Variants in SPECC1 observed in about 807,000 individuals in gnomAD.
The protein encoded by SPECC1 is sperm antigen with calponin homology and coiled-coil domains 1.
In SPECC1, 62 loss-of-function variants were observed where a neutral mutation model predicts 104.1. That is an observed-to-expected ratio of 0.60 (90% CI 0.49 to 0.74). The LOEUF is 0.74. SPECC1 is among the 30% of genes least tolerant of loss of function. SPECC1 has a pLI of 0.00. For synonymous variants in SPECC1, 513 were observed against 501.6 expected (o/e 1.02, Z -0.30); for missense variants, 1,306 against 1,310.5 (o/e 1.00, Z 0.05).
At chr17:20,203,317 A>C (rs1357594857) in intron 3 of SPECC1, among the ~76,000 whole-genome samples, 2 of 151,714 alleles carry the variant, frequency 1.3e-5, no homozygotes, top group East Asian at 3.9e-4. Flanking sequence ...TTTATTTTAC[A>C]CTGTAACATC....
intron 3 of SPECC1, among the ~76,000 whole-genome samples, chr17:20,127,382 C>A (rs1157439222): frequency 2.7e-5 from 4 of 149,962 alleles, no homozygotes; most frequent in Non-Finnish European, 5.9e-5. Context: ...AGTATTGGTC[C>A]AAAAATCAGA....
chr17:20,257,363 G>C lies in SPECC1; in HGVS notation c.2681-88G>C, dbSNP rs956063472. On this transcript the variant is annotated intron_variant, in intron 10 of 14. Transcript: ENST00000395527. ...ATATGTTTGCACTTGAGGATAAAAT[G>C]AGAACTGTATTGTATTTGAGAATGA... 1.8e-5 allele frequency: 26 copies of C among 1,412,256 alleles called. No homozygotes were observed. The African/African-American group carries it at 3.3e-4, about 18-fold the overall frequency. 87.5% of individuals were successfully genotyped at this position (1,412,256 alleles called of 1,614,324 possible).
At chr17:20,162,219 C>T (rs1462542202) in intron 3 of SPECC1, among the ~76,000 whole-genome samples, 1 of 152,140 alleles carries the variant, frequency 6.6e-6, no homozygotes, top group African/African-American at 2.4e-5. Flanking sequence ...GATCTCGCCT[C>T]ACTGCAAGCT....
At chr17:20,246,173 C>T in intron 8 of SPECC1, 102 bp downstream of exon 8, 1 of 1,430,568 alleles carries the variant, frequency 7.0e-7, no homozygotes, top group Non-Finnish European at 9.5e-7. Context: ...TGTGTTGTTA[C>T]AACCACAAGG....
chr17:20,206,261 C>T (rs866339004), intron 4 of SPECC1, among the ~76,000 whole-genome samples: 7 of 152,312 alleles, frequency 4.6e-5, no homozygotes, highest in Middle Eastern at 3.4e-3. Context: ...CACAGAAGGA[C>T]TTCCTGGAAG....
chr17:20,249,083 A>G (rs1326613215), intron 9 of SPECC1, among the ~76,000 whole-genome samples: 1 of 152,186 alleles, frequency 6.6e-6, no homozygotes, highest in Non-Finnish European at 1.5e-5. Flanking sequence ...CTTAAATTAT[A>G]GCCACATTTT....
At chr17:20,108,268 G>A (rs1354782438) in intron 2 of SPECC1, among the ~76,000 whole-genome samples, 1 of 150,080 alleles carries the variant, frequency 6.7e-6, no homozygotes, top group African/African-American at 2.4e-5. Context: ...AGTATTTGCA[G>A]GAGTGGAACT....
intron 12 of SPECC1, among the ~76,000 whole-genome samples, chr17:20,284,953 T>G (rs1312841901): frequency 6.6e-6 from 1 of 152,220 alleles, no homozygotes; most frequent in Non-Finnish European, 1.5e-5. Flanking sequence ...ACAGAGTCAG[T>G]TCATTCACAG....
At chr17:20,045,157 GA>G (rs781701391) in intron 1 of SPECC1, among the ~76,000 whole-genome samples, 34 of 152,130 alleles carry the variant, frequency 2.2e-4, no homozygotes, top group African/African-American at 4.6e-4. Context: ...GCACACACTA[GA>G]TTTTTTTTTC....
intron 1 of SPECC1, chr17:20,057,817 G>A (rs1336153537): frequency 6.6e-6 from 1 of 152,058 alleles, no homozygotes; most frequent in Non-Finnish European, 1.5e-5. Context: ...AGTTGATAAT[G>A]GTGAGTAGAT....
At chr17:20,137,101 A>G (rs183076491) in intron 3 of SPECC1, among the ~76,000 whole-genome samples, 303 of 152,300 alleles carry the variant, frequency 2.0e-3, no homozygotes, top group African/African-American at 7.1e-3. Context: ...AGCTTTTCAG[A>G]CTGCTTTCCG....
At chr17:20,051,526 G>A (rs1028089701) in intron 1 of SPECC1, among the ~76,000 whole-genome samples, 5 of 152,102 alleles carry the variant, frequency 3.3e-5, no homozygotes, top group Admixed American at 1.3e-4. Context: ...TCCTGAATTT[G>A]TTATATGCTT....
intron 7 of SPECC1, chr17:20,238,824 A>G: frequency 9.6e-7 from 1 of 1,045,056 alleles, no homozygotes; most frequent in South Asian, 4.6e-5. Context: ...ACCTGTCGTT[A>G]GGTACTGTTG....
In SPECC1 at chr17:20,065,936, C is replaced by T. The variant is rs535860945; in HGVS notation, c.-21-30695C>T. 3.7e-4 allele frequency among the ~76,000 whole-genome samples: 56 copies of T among 152,246 alleles called. 1 individual carries two copies. In the South Asian group the frequency reaches 8.9e-3, roughly 24 times the overall value. ...ACTATAGGCATCAGGAGCCAGGAAC[C>T]GGTTCTAATGCCCATAGTCCTTGTT... On this transcript the variant is annotated intron_variant, in intron 1 of 14. Transcript: ENST00000395527.
intron 3 of SPECC1, among the ~76,000 whole-genome samples, chr17:20,161,786 CTTT>C (rs903851893): frequency 6.8e-6 from 1 of 146,960 alleles, no homozygotes; most frequent in Non-Finnish European, 1.5e-5. Flanking sequence ...TCTGTCACTT[CTTT>C]TTTTCTTTCT....
rs76020943 is a variant in SPECC1, at chr17:20,174,578, A to G, written c.284-29755A>G. Among the ~76,000 whole-genome samples the G allele has an allele frequency of 7.9e-3, 1,187 of 149,488 alleles. 17 individuals are homozygous for G. The highest frequency in any genetic ancestry group is 0.028 in the African/African-American group (1,131 of 41,058). On this transcript the variant is annotated intron_variant, in intron 3 of 14. Coordinates refer to ENST00000395527, the MANE Select transcript of SPECC1 (RefSeq NM_001243439.2). ...TGGAATGGGCCTTCACCGTGTCCCA[A>G]ATGGAGACCAGGTGGTCACATCAGT...
intron 1 of SPECC1, among the ~76,000 whole-genome samples, chr17:20,054,451 G>A (rs937386617): frequency 2.6e-5 from 4 of 152,092 alleles, no homozygotes; most frequent in African/African-American, 7.2e-5. Context: ...ACTGTTTGAC[G>A]CTTTCTCTAT....
At chr17:20,280,127 A>G (rs1025923144) in intron 12 of SPECC1, among the ~76,000 whole-genome samples, 2 of 152,240 alleles carry the variant, frequency 1.3e-5, no homozygotes, top group African/African-American at 4.8e-5. Context: ...ACTGTTTGTG[A>G]TAACAGAAAA....
chr17:20,017,302 A>T (rs966990869), intron 1 of SPECC1: 1 of 152,340 alleles, frequency 6.6e-6, no homozygotes, highest in Non-Finnish European at 1.5e-5. Context: ...AGCTAGCGAG[A>T]CCACGAACTC....
Sources: gnomAD v4.1 joint callset for allele counts (sites outside exome capture counted in the v4.1 genomes callset) on GRCh38, gnomAD v4.1.1 for gene constraint, MANE v1.5 for transcripts, NCBI Gene and HGNC (gene_info 2026-07-23, HGNC 2026-07-21) for gene names.